The following CLIC5 variants were observed in gnomAD, a reference collection of about 807,000 sequenced individuals.
CLIC5 encodes the protein CLIC family member 5, also known as chloride intracellular channel protein 5.
A neutral mutation model predicts 24.7 loss-of-function variants in CLIC5; 20 were observed. The ratio of observed to expected loss-of-function variants is 0.81; its 90% CI spans 0.57 to 1.18. The LOEUF (loss-of-function observed/expected upper bound fraction) is 1.18. CLIC5 is among the 50% of genes most tolerant of loss of function. The pLI is 0.00. For synonymous variants in CLIC5, 159 were observed against 135.6 expected (o/e 1.17, Z -1.20); for missense variants, 341 against 326.1 (o/e 1.05, Z -0.35).
At chr6:46,001,997 GACC>G (rs1766379338) in intron 1 of CLIC5, among the ~76,000 whole-genome samples, 1 of 152,030 alleles carries the variant, frequency 6.6e-6, no homozygotes, top group Non-Finnish European at 1.5e-5. Flanking sequence ...AGTGAGGCTG[GACC>G]ACCCCCACCC....
chr6:46,029,917 T>A (rs1032449916), intron 1 of CLIC5, among the ~76,000 whole-genome samples: 5 of 152,142 alleles, frequency 3.3e-5, no homozygotes, highest in Non-Finnish European at 1.5e-5. Context: ...CAGACCAGAA[T>A]TCATTCCAGA....
At chr6:46,003,770 G>A (rs1766442323) in intron 1 of CLIC5, among the ~76,000 whole-genome samples, 1 of 152,194 alleles carries the variant, frequency 6.6e-6, no homozygotes, top group Non-Finnish European at 1.5e-5. Context: ...CTCCTTCCCT[G>A]AAGACTCTGA....
chr6:45,911,252 C>T (rs1034289945), intron 5 of CLIC5, among the ~76,000 whole-genome samples: 1 of 152,148 alleles, frequency 6.6e-6, no homozygotes, highest in Admixed American at 6.5e-5. Flanking sequence ...TCCTTAAATT[C>T]TCTCTGTTAA....
chr6:45,994,365 T>C (rs1232295773), intron 1 of CLIC5, among the ~76,000 whole-genome samples: 1 of 152,150 alleles, frequency 6.6e-6, no homozygotes, highest in Non-Finnish European at 1.5e-5. Context: ...CTGGAAGCCA[T>C]TGTCCTCAGC....
intron 5 of CLIC5, chr6:45,911,761 C>A (rs763363502): frequency 1.0e-6 from 1 of 985,302 alleles, no homozygotes; most frequent in Admixed American, 6.2e-5. Flanking sequence ...GGCTGAACAT[C>A]GTCACTATGC....
At chr6:46,080,082 T>A in exon 1 of CLIC5, 1 of 1,551,644 alleles carries the variant, frequency 6.4e-7, no homozygotes, top group South Asian at 1.2e-5. Context: ...ATCATACTCA[T>A]GGGTATTCAG....
the CLIC5 span, among the ~76,000 whole-genome samples, chr6:46,116,502 A>G: frequency 6.6e-6 from 1 of 152,162 alleles, no homozygotes; most frequent in Non-Finnish European, 1.5e-5. Context: ...TGTTAAGTAC[A>G]TATCTCTTGG....
chr6:46,117,553 G>T, the CLIC5 span, among the ~76,000 whole-genome samples: 4 of 152,188 alleles, frequency 2.6e-5, no homozygotes, highest in Non-Finnish European at 5.9e-5. Context: ...AGGATCCAAG[G>T]GAGGGTTTGT....
At chr6:45,912,403 A>G in intron 5 of CLIC5, 1 of 1,107,670 alleles carries the variant, frequency 9.0e-7, no homozygotes, top group Non-Finnish European at 1.1e-6. Context: ...AATTGAGGAA[A>G]TCACAGGATG....
At chr6:45,945,854 T>C (rs1439640639) in intron 3 of CLIC5, among the ~76,000 whole-genome samples, 1 of 152,240 alleles carries the variant, frequency 6.6e-6, no homozygotes, top group African/African-American at 2.4e-5. Context: ...ATTCTGTCAG[T>C]GTTCTGAACC....
chr6:45,990,392 A>G (rs1474033786), intron 1 of CLIC5, among the ~76,000 whole-genome samples: 1 of 152,194 alleles, frequency 6.6e-6, no homozygotes, highest in Non-Finnish European at 1.5e-5. Context: ...AGAATCCTCC[A>G]TCTTGACTTT....
chr6:46,009,518 AT>A (rs1174034783), intron 1 of CLIC5, among the ~76,000 whole-genome samples: 2 of 152,158 alleles, frequency 1.3e-5, no homozygotes, highest in African/African-American at 4.8e-5. Context: ...ACCACTTTGC[AT>A]CTTTACTATC....
At chr6:46,079,835 A>G (rs760678948) in exon 1 of CLIC5, 1 of 1,552,214 alleles carries the variant, frequency 6.4e-7, no homozygotes. Flanking sequence ...TTGAAGGAGA[A>G]GGCAGATCTT....
intron 1 of CLIC5, among the ~76,000 whole-genome samples, chr6:45,962,215 A>G (rs918510565): frequency 1.3e-5 from 2 of 150,700 alleles, no homozygotes; most frequent in East Asian, 3.9e-4. Context: ...TATATAATAC[A>G]TATCAGTTGG....
chr6:46,039,944 C>A (rs1767760242), intron 1 of CLIC5, among the ~76,000 whole-genome samples: 1 of 152,212 alleles, frequency 6.6e-6, no homozygotes, highest in Admixed American at 6.5e-5. Flanking sequence ...GCAATTCAGA[C>A]AATGAGCTTT....
At chr6:46,063,550 A>T (rs1762354461) in intron 1 of CLIC5, among the ~76,000 whole-genome samples, 1 of 152,204 alleles carries the variant, frequency 6.6e-6, no homozygotes, top group African/African-American at 2.4e-5. Flanking sequence ...CCTAACAGAG[A>T]GAGAGAGCTT....
chr6:45,947,817 T>C (rs562637937), intron 3 of CLIC5, among the ~76,000 whole-genome samples: 3 of 152,288 alleles, frequency 2.0e-5, no homozygotes, highest in Non-Finnish European at 4.4e-5. Flanking sequence ...TGTGTGTGTA[T>C]GTGGGGCTGT....
chr6:46,032,341 A>G (rs919219435), intron 1 of CLIC5, among the ~76,000 whole-genome samples: 1 of 152,212 alleles, frequency 6.6e-6, no homozygotes, highest in Non-Finnish European at 1.5e-5. Flanking sequence ...TCCTCCTCCA[A>G]CAATGGGAAT....
intron 1 of CLIC5, among the ~76,000 whole-genome samples, chr6:45,968,966 G>C (rs1422198523): frequency 6.6e-6 from 1 of 152,104 alleles, no homozygotes; most frequent in African/African-American, 2.4e-5. Flanking sequence ...TCCCTCTCTG[G>C]GTCTTAATCT....
Sources: gnomAD v4.1 joint callset for allele counts (sites outside exome capture counted in the v4.1 genomes callset) on GRCh38, gnomAD v4.1.1 for gene constraint, MANE v1.5 for transcripts, NCBI Gene and HGNC (gene_info 2026-07-23, HGNC 2026-07-21) for gene names.